Variants in SLC6A6 observed in about 807,000 individuals in gnomAD.
The protein encoded by SLC6A6 is sodium- and chloride-dependent taurine transporter.
A neutral mutation model predicts 68.8 loss-of-function variants in SLC6A6; 16 were observed. The ratio of observed to expected loss-of-function variants is 0.23; its 90% CI spans 0.16 to 0.35. SLC6A6 has a LOEUF of 0.35. SLC6A6 is among the 10% of genes least tolerant of loss of function. The probability of loss-of-function intolerance (pLI) is 1.00; values close to 1 mark genes in which losing one functional copy is unlikely to be tolerated. For synonymous variants in SLC6A6, 312 were observed against 315.4 expected (o/e 0.99, Z 0.12); for missense variants, 474 against 802.8 (o/e 0.59, Z 4.95).
At chr3:14,475,337 A>G (rs993126138) in intron 10 of SLC6A6, among the ~76,000 whole-genome samples, 2 of 152,004 alleles carry the variant, frequency 1.3e-5, no homozygotes, top group South Asian at 2.1e-4. Context: ...CAGCTGGGAC[A>G]TGGTTTTTTT....
chr3:14,430,395 A>C (rs1248148082), intron 2 of SLC6A6, among the ~76,000 whole-genome samples: 1 of 152,128 alleles, frequency 6.6e-6, no homozygotes, highest in Non-Finnish European at 1.5e-5. Flanking sequence ...ACAGGCCATC[A>C]GAAGGTATAC....
intron 2 of SLC6A6, among the ~76,000 whole-genome samples, chr3:14,438,120 C>CA: frequency 6.6e-6 from 1 of 151,550 alleles, no homozygotes; most frequent in African/African-American, 2.4e-5. Context: ...GCTGGAATTA[C>CA]AGGCGTGAGC....
intron 6 of SLC6A6, among the ~76,000 whole-genome samples, 177 bp downstream of exon 6, chr3:14,458,259 A>G (rs1488974478): frequency 6.6e-6 from 1 of 152,206 alleles, no homozygotes; most frequent in Non-Finnish European, 1.5e-5. Flanking sequence ...GCGTTTGTCC[A>G]TTTCATGGTG....
At position 14,468,341 on chromosome 3, in the gene SLC6A6, C is replaced by T; in HGVS notation, c.1096+129C>T. 1.4e-6 allele frequency: 1 copy of T among 733,466 alleles called. No individual in the cohort carries two copies. The highest frequency in any genetic ancestry group is 2.1e-6 in the Non-Finnish European group (1 of 476,244). The allele number at this position is 733,466 out of a possible 1,614,324, so 45.4% of individuals were successfully genotyped here. A position where few individuals can be genotyped will look rare whatever the true frequency, so the allele number is the denominator to read the frequency against. On this transcript the variant is annotated intron_variant, in intron 9 of 14. Coordinates refer to ENST00000622186, the MANE Select transcript of SLC6A6 (RefSeq NM_003043.6). The surrounding 1 kb of genome is among the most constrained non-coding windows in gnomAD (Gnocchi z 4.5). ...AGCCTGGTTTCTAAAATGGACCCCC[C>T]CCCCGCCACCAAGATATCCCCCAAA...
intron 14 of SLC6A6, among the ~76,000 whole-genome samples, chr3:14,483,588 G>C (rs756733168): frequency 1.3e-5 from 2 of 152,228 alleles, no homozygotes; most frequent in Non-Finnish European, 2.9e-5. Flanking sequence ...GGGAAGTCAT[G>C]GGGGTAGGGC....
In SLC6A6 at chr3:14,468,633, T is replaced by C. The variant is rs755955288; in HGVS notation, c.1096+421T>C. ...ATTTTGCACTTTGCTCCCAGCGTGC[T>C]CCCTCTAAGCAGACGCATTCATCCA... On this transcript the variant is annotated intron_variant, in intron 9 of 14. Transcript: ENST00000622186. This position sits in a 1 kb window ranked among gnomAD's most constrained non-coding sequence, Gnocchi z 4.5. Among the ~76,000 whole-genome samples the C allele has an allele frequency of 5.3e-5, 8 of 152,098 alleles. No homozygotes were observed. The highest frequency in any genetic ancestry group is 1.0e-4 in the Non-Finnish European group (7 of 68,026).
chr3:14,480,277 T>C lies in SLC6A6; in HGVS notation c.1551+1092T>C, dbSNP rs7636526. Among the ~76,000 whole-genome samples, 481 of 152,350 alleles carry C rather than the reference T, an allele frequency of 3.2e-3. 2 individuals carry two copies. Among genetic ancestry groups the C allele is most frequent in the African/African-American group, 0.011 (456 of 41,578 alleles). ...ACCACAACAATTGGTGAGTTTATCT[T>C]TGGAGATGAGTTTAGTTGGCCCACC... On this transcript the variant is annotated intron_variant, in intron 13 of 14. Coordinates refer to ENST00000622186, the MANE Select transcript of SLC6A6 (RefSeq NM_003043.6).
At position 14,449,571 on chromosome 3, in the gene SLC6A6, C is replaced by T. The variant is rs569504398; in HGVS notation, c.599+1755C>T. The stretch of plus-strand genomic sequence containing the variant: ...TTGCCTCAGACATTGACTGGCCTGC[C>T]TGGGTTTGAACCCTCACTTTGCCAC... On this transcript the variant is annotated intron_variant, in intron 5 of 14. Transcript: ENST00000622186. Among the ~76,000 whole-genome samples the T allele has an allele frequency of 2.6e-5, 4 of 152,330 alleles. No individual in the cohort carries two copies. In the South Asian group the frequency reaches 8.3e-4, roughly 32 times the overall value.
At chr3:14,439,571 T>A (rs1286535187) in intron 2 of SLC6A6, among the ~76,000 whole-genome samples, 1 of 152,184 alleles carries the variant, frequency 6.6e-6, no homozygotes, top group East Asian at 1.9e-4. Flanking sequence ...ATCAGTCAAT[T>A]CTAATCACTT....
At chr3:14,417,936 T>C (rs1699402532) in intron 2 of SLC6A6, among the ~76,000 whole-genome samples, 1 of 152,206 alleles carries the variant, frequency 6.6e-6, no homozygotes, top group Non-Finnish European at 1.5e-5. Flanking sequence ...GTTTAAGGGA[T>C]GTCTCCTTCG....
chr3:14,469,062 T>C (rs1043740151), intron 9 of SLC6A6, among the ~76,000 whole-genome samples: 1 of 152,108 alleles, frequency 6.6e-6, no homozygotes, highest in Non-Finnish European at 1.5e-5. Context: ...CCTGGGTCTG[T>C]AGCTTTAATT....
rs1239740889 is a variant in SLC6A6, at chr3:14,443,842, C to T, written c.208C>T (p.Leu70Phe). Residue 70 changes from leucine to phenylalanine, a missense_variant, in exon 3 of 15, where the codon CTC becomes TTC. Physicochemically the swap from Leu to Phe is conservative, Grantham distance 22 (BLOSUM62 0). Coordinates refer to ENST00000622186, the MANE Select transcript of SLC6A6 (RefSeq NM_003043.6). Reference protein sequence around the residue: ...GLGNVWRFPYLCYKNGGGAFL... With the variant: ...GLGNVWRFPYFCYKNGGGAFL... Reference sequence around the variant, plus strand: ...GGGCAACGTCTGGCGCTTCCCGTACCTCTGCTACAAGAATGGTGGAGGTGA... The same window carrying T: ...GGGCAACGTCTGGCGCTTCCCGTACTTCTGCTACAAGAATGGTGGAGGTGA... 1.2e-6 allele frequency: 2 copies of T among 1,613,372 alleles called. No homozygotes were observed. Among genetic ancestry groups the T allele is most frequent in the Non-Finnish European group, 1.7e-6 (2 of 1,179,274 alleles).
At chr3:14,405,659 A>C (rs1383221258) in intron 1 of SLC6A6, among the ~76,000 whole-genome samples, 1 of 152,238 alleles carries the variant, frequency 6.6e-6, no homozygotes, top group Non-Finnish European at 1.5e-5. Flanking sequence ...GTGTTTGCCA[A>C]CTTGGCCAGA....
At chr3:14,405,805 T>C (rs938396753) in intron 1 of SLC6A6, among the ~76,000 whole-genome samples, 1 of 152,220 alleles carries the variant, frequency 6.6e-6, no homozygotes, top group Non-Finnish European at 1.5e-5. Flanking sequence ...TAAGGTCAGC[T>C]CTGGGCTGGC....
In SLC6A6 at chr3:14,484,864, CAG is replaced by C. The variant is rs1332519598; in HGVS notation, c.1725_1726del. 1 of 1,611,580 alleles carries C rather than the reference CAG, an allele frequency of 6.2e-7. No homozygotes were observed. Among genetic ancestry groups the C allele is most frequent in the Non-Finnish European group, 8.5e-7 (1 of 1,179,858 alleles). ...CCCCCTCACTCCTGTCATCCTTCTCCAGAGAGTCAAGTACCTGCTGACCCCAA... is the reference window on the plus strand; with the variant it reads ...CCCCCTCACTCCTGTCATCCTTCTCCAGAGTCAAGTACCTGCTGACCCCAA... On this transcript the variant is annotated splice_acceptor_variant, in intron 14 of 14. Transcript: ENST00000622186. LOFTEE classifies it high-confidence loss of function.
intron 10 of SLC6A6, among the ~76,000 whole-genome samples, chr3:14,475,760 G>T (rs868816320): frequency 6.6e-6 from 1 of 152,190 alleles, no homozygotes; most frequent in African/African-American, 2.4e-5. Flanking sequence ...TGAGCTGCCG[G>T]TTTGCTATAA....
In SLC6A6 at chr3:14,477,098, T is replaced by C. The variant is rs1028140386; in HGVS notation, c.1210-107T>C. The C allele has an allele frequency of 1.9e-6, 2 of 1,027,262 alleles. No individual in the cohort carries two copies. The highest frequency in any genetic ancestry group is 2.0e-5 in the Admixed American group (1 of 49,456). 63.6% of individuals were successfully genotyped at this position (1,027,262 alleles called of 1,614,324 possible). A position where few individuals can be genotyped will look rare whatever the true frequency, so the allele number is the denominator to read the frequency against. On this transcript the variant is annotated intron_variant, in intron 10 of 14. Transcript: ENST00000622186. This position sits in a 1 kb window ranked among gnomAD's most constrained non-coding sequence, Gnocchi z 4.2. ...AGGCCAATTCTGGACACAAGGATGG[T>C]CACGTCTGCTCCTGCATTGTGTGTT...
chr3:14,449,741 T>C lies in SLC6A6; in HGVS notation c.599+1925T>C, dbSNP rs577629345. 2.5e-4 allele frequency among the ~76,000 whole-genome samples: 38 copies of C among 152,210 alleles called. 1 individual carries two copies. The South Asian group carries it at 2.9e-3, about 12-fold the overall frequency. On this transcript the variant is annotated intron_variant, in intron 5 of 14. Coordinates refer to ENST00000622186, the MANE Select transcript of SLC6A6 (RefSeq NM_003043.6). The stretch of plus-strand genomic sequence containing the variant: ...GTGGCCAGCCCTGAGAATCCATTAT[T>C]ATTATTATTATTACTGTTATTTTGT...
chr3:14,462,971 G>C (rs1453145313), intron 6 of SLC6A6, among the ~76,000 whole-genome samples: 1 of 152,160 alleles, frequency 6.6e-6, no homozygotes. Flanking sequence ...GAGATACGTG[G>C]CCTGTATCTC....
Sources: allele counts gnomAD v4.1 joint callset (sites outside exome capture counted in the v4.1 genomes callset), GRCh38; gene constraint gnomAD v4.1.1; non-coding constraint Gnocchi (gnomAD v3.1); transcripts MANE v1.5; gene names NCBI Gene and HGNC (gene_info 2026-07-23, HGNC 2026-07-21).